The following HSD17B12 variants were observed in gnomAD, a reference collection of about 807,000 sequenced individuals.
HSD17B12 encodes very-long-chain 3-oxoacyl-CoA reductase.
In HSD17B12, 32 loss-of-function variants were observed where a neutral mutation model predicts 39.3. That is an observed-to-expected ratio of 0.81 (90% confidence interval 0.61 to 1.09). HSD17B12 has a LOEUF of 1.09. Ranked by LOEUF, HSD17B12 falls within the 50% of genes least tolerant of loss-of-function variation. The probability of loss-of-function intolerance (pLI) is 0.00; values close to 1 mark genes in which losing one functional copy is unlikely to be tolerated. For missense variants in HSD17B12, 342 were observed against 382.9 expected (o/e 0.89, Z 0.89); for synonymous variants, 150 against 146.7 (o/e 1.02, Z -0.16).
At chr11:43,634,310 A>G in the HSD17B12 span, among the ~76,000 whole-genome samples, 3 of 152,082 alleles carry the variant, frequency 2.0e-5, no homozygotes, top group Non-Finnish European at 4.4e-5. Flanking sequence ...TAAGTCAGGT[A>G]AAACTCTAGT....
the HSD17B12 span, among the ~76,000 whole-genome samples, chr11:43,628,448 C>T: frequency 6.6e-6 from 1 of 152,036 alleles, no homozygotes; most frequent in Non-Finnish European, 1.5e-5. Flanking sequence ...CACACCCTCA[C>T]CCCCCAATTT....
chr11:43,754,874 C>T (rs756445604), intron 3 of HSD17B12: 1 of 759,786 alleles, frequency 1.3e-6, no homozygotes, highest in East Asian at 2.5e-5. Flanking sequence ...TCTTCTTAGG[C>T]AATTATACTT....
At chr11:43,777,636 A>G (rs1288099901) in intron 3 of HSD17B12, among the ~76,000 whole-genome samples, 1 of 152,192 alleles carries the variant, frequency 6.6e-6, no homozygotes, top group Non-Finnish European at 1.5e-5. Flanking sequence ...AGAACTTCCA[A>G]CACTATGTTG....
intron 6 of HSD17B12, among the ~76,000 whole-genome samples, chr11:43,826,702 C>T (rs1271988677): frequency 6.6e-6 from 1 of 152,160 alleles, no homozygotes; most frequent in Non-Finnish European, 1.5e-5. Flanking sequence ...TCTAATTAAG[C>T]TTTCCACCCA....
Position 43,789,067 on chromosome 11 carries a change from G to A in HSD17B12, c.284-9253G>A, listed in dbSNP as rs116635507. Among the ~76,000 whole-genome samples the A allele has an allele frequency of 3.7e-4, 57 of 152,216 alleles. 1 individual carries two copies. In the East Asian group the frequency reaches 9.4e-3, roughly 25 times the overall value. Reference sequence around the variant, plus strand: ...CAGGGATTCTTAAAACATGCTGTTCGTTTTCTGCACTTTCTGGTTTTGCCA... The same window carrying A: ...CAGGGATTCTTAAAACATGCTGTTCATTTTCTGCACTTTCTGGTTTTGCCA... On this transcript the variant is annotated intron_variant, in intron 3 of 10. Transcript: ENST00000278353.
At chr11:43,718,750 GA>G in intron 1 of HSD17B12, 1 of 1,289,712 alleles carries the variant, frequency 7.8e-7, no homozygotes, top group Non-Finnish European at 1.1e-6. Flanking sequence ...TAAAGGCCAA[GA>G]AGGCAGTGTT....
chr11:43,831,239 C>G lies in HSD17B12; in HGVS notation c.536+229C>G, dbSNP rs1336072836. 6.4e-6 allele frequency: 2 copies of G among 312,734 alleles called. No homozygotes were observed. Among genetic ancestry groups the G allele is most frequent in the African/African-American group, 2.2e-5 (1 of 46,300 alleles). The allele number at this position is 312,734 out of a possible 1,614,324, so 19.4% of individuals were successfully genotyped here. A position where few individuals can be genotyped will look rare whatever the true frequency, so the allele number is the denominator to read the frequency against. ...TCTCTCTCTAGGGTTGTAGTGGTTC[C>G]TTTAGATCAGGATGAAAAAGCCTGC... is the stretch of plus-strand genomic sequence containing the variant. On this transcript the variant is annotated intron_variant, in intron 7 of 10. Transcript: ENST00000278353. This position sits in a 1 kb window ranked among gnomAD's most constrained non-coding sequence, Gnocchi z 4.1.
At chr11:43,684,134 A>G (rs2134740897) in intron 1 of HSD17B12, among the ~76,000 whole-genome samples, 1 of 152,332 alleles carries the variant, frequency 6.6e-6, no homozygotes, top group East Asian at 1.9e-4. Context: ...TCTTTCTCCT[A>G]GTTCTCACCA....
chr11:43,849,904 T>C (rs963310855), intron 9 of HSD17B12, among the ~76,000 whole-genome samples: 1 of 152,230 alleles, frequency 6.6e-6, no homozygotes, highest in African/African-American at 2.4e-5. Context: ...TGAATGCCTT[T>C]TGTGAGATTA....
chr11:43,832,590 C>T (rs1951322535), intron 7 of HSD17B12, among the ~76,000 whole-genome samples: 1 of 152,164 alleles, frequency 6.6e-6, no homozygotes, highest in African/African-American at 2.4e-5. Flanking sequence ...AAGCTGGGAA[C>T]TTCACTGCTA....
At chr11:43,655,324 C>G in the HSD17B12 span, among the ~76,000 whole-genome samples, 64 of 152,290 alleles carry the variant, frequency 4.2e-4, no homozygotes, top group Admixed American at 1.1e-3. Context: ...ATGGGGTTTT[C>G]TAGATACACA....
chr11:43,839,550 G>A (rs944120886), intron 8 of HSD17B12, among the ~76,000 whole-genome samples: 1 of 152,088 alleles, frequency 6.6e-6, no homozygotes, highest in Admixed American at 6.6e-5. Context: ...CTTGGATCTT[G>A]TCATCCCAAA....
In HSD17B12 at chr11:43,854,691, C is replaced by T. The variant is rs772849492; in HGVS notation, c.685-24C>T. On this transcript the variant is annotated intron_variant, in intron 9 of 10. Transcript: ENST00000278353. Reference sequence around the variant, plus strand: ...GCCTTACTAATCAATGGCATGTTTTCTGGGGTGGGTGTTCCCTTTCTAGAG... The same window carrying T: ...GCCTTACTAATCAATGGCATGTTTTTTGGGGTGGGTGTTCCCTTTCTAGAG... 8.1e-6 allele frequency: 13 copies of T among 1,611,864 alleles called. No individual in the cohort carries two copies. In the African/African-American group the frequency reaches 1.1e-4, roughly 13 times the overall value.
intron 1 of HSD17B12, among the ~76,000 whole-genome samples, chr11:43,704,792 T>G (rs1949998772): frequency 6.6e-6 from 1 of 152,142 alleles, no homozygotes; most frequent in African/African-American, 2.4e-5. Context: ...ATGGGATGGA[T>G]ACCTGTGGCC....
chr11:43,666,667 A>G, the HSD17B12 span, among the ~76,000 whole-genome samples: 1 of 152,222 alleles, frequency 6.6e-6, no homozygotes, highest in Non-Finnish European at 1.5e-5. Context: ...GGACTCATTA[A>G]CATTCTCATA....
chr11:43,833,805 T>C (rs1319619143), intron 7 of HSD17B12: 3 of 152,222 alleles, frequency 2.0e-5, no homozygotes, highest in Non-Finnish European at 2.9e-5. Context: ...CCTCTAGAAC[T>C]ATAGCCTAGG....
At position 43,704,520 on chromosome 11, in the gene HSD17B12, G is replaced by A. The variant is rs138685341; in HGVS notation, c.160+23533G>A. On this transcript the variant is annotated intron_variant, in intron 1 of 10. Transcript: ENST00000278353. The stretch of plus-strand genomic sequence containing the variant: ...TGACTGCAACACTTGGGGAAGATGT[G>A]GCAGATACAGTTGGTTGCTTGTTGA... Among the ~76,000 whole-genome samples, 250 of 152,300 alleles carry A rather than the reference G, an allele frequency of 1.6e-3. 1 individual carries two copies. The highest frequency in any genetic ancestry group is 5.7e-3 in the African/African-American group (237 of 41,560).
In HSD17B12 at chr11:43,690,393, TA is replaced by T. The variant is rs796496258; in HGVS notation, c.160+9407del. Reference sequence around the variant, plus strand: ...ATATATATATATATATATATATATATATATATATATATTTTTTTTTTTTTTT... The same window carrying T: ...ATATATATATATATATATATATATATTATATATATATTTTTTTTTTTTTTT... On this transcript the variant is annotated intron_variant, in intron 1 of 10. Transcript: ENST00000278353. 7.9e-3 allele frequency among the ~76,000 whole-genome samples: 218 copies of T among 27,696 alleles called. 6 individuals carry two copies. Among genetic ancestry groups the T allele is most frequent in the Non-Finnish European group, 0.011 (163 of 14,942 alleles). 18.2% of individuals were successfully genotyped at this position (27,696 alleles called of 152,430 possible). A position where few individuals can be genotyped will look rare whatever the true frequency, so the allele number is the denominator to read the frequency against.
chr11:43,622,017 G>A, the HSD17B12 span, among the ~76,000 whole-genome samples: 1 of 152,172 alleles, frequency 6.6e-6, no homozygotes, highest in Non-Finnish European at 1.5e-5. Context: ...TTACTAAACT[G>A]CCTCCTGTCA....
Sources: allele counts gnomAD v4.1 joint callset (sites outside exome capture counted in the v4.1 genomes callset), GRCh38; gene constraint gnomAD v4.1.1; non-coding constraint Gnocchi (gnomAD v3.1); transcripts MANE v1.5; gene names NCBI Gene and HGNC (gene_info 2026-07-23, HGNC 2026-07-21).